PTPRD: variants seen among roughly 807,000 people sequenced by gnomAD.
PTPRD encodes the protein protein tyrosine phosphatase receptor type D, also known as receptor-type tyrosine-protein phosphatase delta.
PTPRD carries 34 observed loss-of-function variants against 214.5 expected under a neutral mutation model. The observed-to-expected ratio is 0.16, with a 90% CI of 0.12 to 0.21. The LOEUF (loss-of-function observed/expected upper bound fraction) is 0.21, where lower values mean the gene tolerates loss of function less well. Ranked by LOEUF, PTPRD falls within the 10% of genes least tolerant of loss-of-function variation. The pLI is 1.00. For synonymous variants in PTPRD, 1,128 were observed against 845.7 expected (o/e 1.33, Z -5.79); for missense variants, 2,545 against 2,398.7 (o/e 1.06, Z -1.27).
chr9:9,622,458 A>G (rs895817279), intron 7 of PTPRD, among the ~76,000 whole-genome samples: 4 of 152,170 alleles, frequency 2.6e-5, no homozygotes, highest in African/African-American at 9.7e-5. Context: ...TCATTTACGT[A>G]TTGTACAAAT....
chr9:9,771,823 C>G (rs1284747886), intron 5 of PTPRD, among the ~76,000 whole-genome samples: 1 of 152,064 alleles, frequency 6.6e-6, no homozygotes, highest in East Asian at 1.9e-4. Flanking sequence ...TCTGCTTAAA[C>G]CAGATGTGTT....
chr9:8,483,884 C>T (rs1290079073), intron 30 of PTPRD, among the ~76,000 whole-genome samples: 1 of 152,192 alleles, frequency 6.6e-6, no homozygotes, highest in Non-Finnish European at 1.5e-5. Flanking sequence ...TCCTAAATAA[C>T]ACTGTCCCTG....
intron 2 of PTPRD, among the ~76,000 whole-genome samples, chr9:10,543,907 G>C (rs1194788207): frequency 6.6e-6 from 1 of 152,178 alleles, no homozygotes; most frequent in Non-Finnish European, 1.5e-5. Context: ...ATCTGCTTGT[G>C]ATAGAAAAGA....
intron 11 of PTPRD, among the ~76,000 whole-genome samples, chr9:8,840,998 A>C (rs1356803830): frequency 6.6e-6 from 1 of 152,094 alleles, no homozygotes; most frequent in African/African-American, 2.4e-5. Context: ...TATAATGACA[A>C]TTTCAAGTTC....
chr9:8,378,302 G>A (rs1478580149), intron 37 of PTPRD, among the ~76,000 whole-genome samples: 1 of 152,004 alleles, frequency 6.6e-6, no homozygotes, highest in Non-Finnish European at 1.5e-5. Flanking sequence ...AGAGTGACCA[G>A]GCATGGGCAT....
chr9:9,088,831 C>T (rs1164951431), intron 10 of PTPRD, among the ~76,000 whole-genome samples: 3 of 152,078 alleles, frequency 2.0e-5, no homozygotes, highest in African/African-American at 4.8e-5. Context: ...CCTGTCACTT[C>T]ATAGCTATAG....
chr9:9,949,604 A>G (rs2093223214), intron 4 of PTPRD, among the ~76,000 whole-genome samples: 1 of 152,162 alleles, frequency 6.6e-6, no homozygotes, highest in African/African-American at 2.4e-5. Context: ...GCCAATCACT[A>G]CATCCAGGCT....
At chr9:9,731,091 T>C (rs1224262630) in intron 7 of PTPRD, among the ~76,000 whole-genome samples, 1 of 152,176 alleles carries the variant, frequency 6.6e-6, no homozygotes, top group Non-Finnish European at 1.5e-5. Context: ...TGCAATAAGA[T>C]TTTCTGTAAA....
At chr9:10,258,319 GGGTGAAAAATGTTGCATTAATGT>G (rs1376632208) in intron 3 of PTPRD, among the ~76,000 whole-genome samples, 7 of 152,126 alleles carry the variant, frequency 4.6e-5, no homozygotes, top group African/African-American at 7.2e-5. Context: ...GCTTTTGGGA[GGGTGAAAAATGTTGCATTAATGT>G]GGTCTCACCA....
intron 4 of PTPRD, among the ~76,000 whole-genome samples, chr9:9,961,391 G>C (rs889624018): frequency 6.6e-6 from 1 of 152,082 alleles, no homozygotes; most frequent in Non-Finnish European, 1.5e-5. Flanking sequence ...AAGTGAAATT[G>C]AGAACAAACA....
chr9:9,177,974 GGAAA>G (rs2099925946), intron 10 of PTPRD, among the ~76,000 whole-genome samples: 2 of 151,996 alleles, frequency 1.3e-5, no homozygotes, highest in African/African-American at 4.8e-5. Flanking sequence ...CGATGTGCTG[GGAAA>G]GAGAGATCAG....
At chr9:9,423,150 G>A (rs751233981) in intron 8 of PTPRD, among the ~76,000 whole-genome samples, 1 of 152,164 alleles carries the variant, frequency 6.6e-6, no homozygotes, top group Non-Finnish European at 1.5e-5. Flanking sequence ...CTTCTCTGTA[G>A]CTTCTACAGT....
intron 11 of PTPRD, among the ~76,000 whole-genome samples, chr9:9,002,174 T>C (rs1180704680): frequency 1.3e-5 from 2 of 152,032 alleles, no homozygotes; most frequent in African/African-American, 4.8e-5. Context: ...GAAGATAGGA[T>C]ATTTATCTCC....
chr9:9,251,724 G>T lies in PTPRD; in HGVS notation c.-202-68361C>A, dbSNP rs558863688. On this transcript the variant is annotated intron_variant, in intron 9 of 45. Transcript: ENST00000381196. Reference sequence around the variant, plus strand: ...TGTCCTGGATAAATAGCATAATGGGGTACTTTGTACATTTGAAAGAAGCCA... The same window carrying T: ...TGTCCTGGATAAATAGCATAATGGGTTACTTTGTACATTTGAAAGAAGCCA... 4.6e-5 allele frequency among the ~76,000 whole-genome samples: 7 copies of T among 152,134 alleles called. No homozygotes were observed. The South Asian group carries it at 1.5e-3, about 32-fold the overall frequency.
intron 6 of PTPRD, among the ~76,000 whole-genome samples, chr9:9,757,433 GA>G (rs1418993525): frequency 6.6e-6 from 1 of 151,998 alleles, no homozygotes; most frequent in African/African-American, 2.4e-5. Context: ...TTATGAATTT[GA>G]AAAAACAAAT....
rs142517014 is a variant in PTPRD at position 10,182,672 on chromosome 9, A to G, written c.-544-148882T>C. Among the ~76,000 whole-genome samples the G allele has an allele frequency of 9.8e-4, 149 of 152,314 alleles. 2 individuals carry two copies. The East Asian group carries it at 0.027, about 27-fold the overall frequency. ...AAATAAATGGACAGTAAAACACTTG[A>G]TTTCACTTTATAAACAGTAGTTTGG... is the stretch of plus-strand genomic sequence containing the variant. On this transcript the variant is annotated intron_variant, in intron 3 of 45. Coordinates refer to ENST00000381196, the MANE Select transcript of PTPRD (RefSeq NM_002839.4).
chr9:10,430,590 T>C (rs746293944), intron 2 of PTPRD, among the ~76,000 whole-genome samples: 9 of 151,914 alleles, frequency 5.9e-5, no homozygotes, highest in Admixed American at 2.0e-4. Context: ...GTCTCTTATA[T>C]TTAAGATAGT....
At chr9:8,685,490 C>T (rs746016974) in intron 12 of PTPRD, among the ~76,000 whole-genome samples, 2 of 151,828 alleles carry the variant, frequency 1.3e-5, no homozygotes, top group Non-Finnish European at 2.9e-5. Flanking sequence ...GCATGTAAAA[C>T]AGACTGGGTG....
intron 3 of PTPRD, among the ~76,000 whole-genome samples, chr9:10,287,091 C>T (rs932051089): frequency 7.9e-5 from 12 of 152,056 alleles, no homozygotes; most frequent in African/African-American, 2.2e-4. Flanking sequence ...TTTACTCAGG[C>T]GACTAACTTA....
Sources: gnomAD v4.1 joint callset for allele counts (sites outside exome capture counted in the v4.1 genomes callset) on GRCh38, gnomAD v4.1.1 for gene constraint, MANE v1.5 for transcripts, NCBI Gene and HGNC (gene_info 2026-07-23, HGNC 2026-07-21) for gene names.